MED21: variants seen among roughly 807,000 people sequenced by gnomAD.
MED21 encodes mediator of RNA polymerase II transcription subunit 21.
A neutral mutation model predicts 18.2 loss-of-function variants in MED21; 9 were observed. The ratio of observed to expected loss-of-function variants is 0.49; its 90% confidence interval spans 0.30 to 0.86. The LOEUF (loss-of-function observed/expected upper bound fraction) is 0.86, where lower values mean the gene tolerates loss of function less well. Ranked by LOEUF, MED21 falls within the 40% of genes least tolerant of loss-of-function variation. MED21 has a pLI of 0.07. For synonymous variants in MED21, 73 were observed against 60.5 expected (o/e 1.21, Z -0.96); for missense variants, 150 against 170.9 (o/e 0.88, Z 0.68).
intron 2 of MED21, among the ~76,000 whole-genome samples, chr12:27,026,911 G>A (rs1234633084): frequency 1.3e-5 from 2 of 152,140 alleles, no homozygotes; most frequent in African/African-American, 4.8e-5. Context: ...CAGGATTGGT[G>A]TATATTTTAA....
intron 2 of MED21, chr12:27,037,826 G>T (rs1941658976): frequency 6.6e-6 from 1 of 152,154 alleles, no homozygotes; most frequent in Non-Finnish European, 1.5e-5. Context: ...ATCAAATATG[G>T]TAATGTAATT....
chr12:27,032,125 A>G (rs915383255), downstream of MED21, among the ~76,000 whole-genome samples: 5 of 152,164 alleles, frequency 3.3e-5, no homozygotes, highest in Non-Finnish European at 7.3e-5. Context: ...TTGAAGCCAT[A>G]TTCTCTCTAT....
chr12:27,022,756 C>G, intron 1 of MED21, 135 bp downstream of exon 1: 6 of 1,550,058 alleles, frequency 3.9e-6, no homozygotes, highest in African/African-American at 1.4e-5. Context: ...AGCGCTCTCT[C>G]GGGAGGCGCC....
Position 27,030,179 on chromosome 12 carries a change from C to G in MED21, c.*1718C>G, listed in dbSNP as rs1472694715. Reference sequence around the variant, plus strand: ...TAAGGTGAAGTCTCTGTCACCCAAGCTGAAGTGCAGTTCTGTGATCATGGC... The same window carrying G: ...TAAGGTGAAGTCTCTGTCACCCAAGGTGAAGTGCAGTTCTGTGATCATGGC... On this transcript the variant is annotated 3_prime_UTR_variant, in exon 4 of 4. Transcript: ENST00000282892. 2 of 647,628 alleles carry G rather than the reference C, an allele frequency of 3.1e-6. No homozygotes were observed. The highest frequency in any genetic ancestry group is 2.8e-6 in the Non-Finnish European group (1 of 352,508). 40.1% of individuals were successfully genotyped at this position (647,628 alleles called of 1,614,324 possible).
Position 27,028,579 on chromosome 12 carries a change from T to G in MED21, c.*118T>G. ...CAGAAACATTAAACACTATGACACA[T>G]TACCTTTTTAGCTATTTTTAATAGT... On this transcript the variant is annotated 3_prime_UTR_variant, in exon 4 of 4. Coordinates refer to ENST00000282892, the MANE Select transcript of MED21 (RefSeq NM_004264.5). 7.2e-7 allele frequency: 1 copy of G among 1,381,492 alleles called. No homozygotes were observed. The highest frequency in any genetic ancestry group is 9.4e-7 in the Non-Finnish European group (1 of 1,063,354). 85.6% of individuals were successfully genotyped at this position (1,381,492 alleles called of 1,614,324 possible). A position where few individuals can be genotyped will look rare whatever the true frequency, so the allele number is the denominator to read the frequency against.
chr12:27,025,696 G>A (rs1451547569), intron 1 of MED21, among the ~76,000 whole-genome samples: 1 of 152,162 alleles, frequency 6.6e-6, no homozygotes, highest in African/African-American at 2.4e-5. Context: ...TTCTGTCATT[G>A]AAACAATGGC....
intron 2 of MED21, among the ~76,000 whole-genome samples, chr12:27,036,029 G>A (rs768503269): frequency 6.6e-6 from 1 of 152,140 alleles, no homozygotes; most frequent in Non-Finnish European, 1.5e-5. Flanking sequence ...CTTCCACAAT[G>A]GTTAAACTAG....
rs1369351641 is a variant in MED21 at position 27,030,178 on chromosome 12, G to A, written c.*1717G>A. On this transcript the variant is annotated 3_prime_UTR_variant, in exon 4 of 4. Transcript: ENST00000282892. ...TTAAGGTGAAGTCTCTGTCACCCAAGCTGAAGTGCAGTTCTGTGATCATGG... is the reference window on the plus strand; with the variant it reads ...TTAAGGTGAAGTCTCTGTCACCCAAACTGAAGTGCAGTTCTGTGATCATGG... 1.5e-6 allele frequency: 1 copy of A among 647,764 alleles called. No homozygotes were observed. Among genetic ancestry groups the A allele is most frequent in the Non-Finnish European group, 2.8e-6 (1 of 352,422 alleles). 40.1% of individuals were successfully genotyped at this position (647,764 alleles called of 1,614,324 possible). A position where few individuals can be genotyped will look rare whatever the true frequency, so the allele number is the denominator to read the frequency against.
rs1171741770 is a variant in MED21, at chr12:27,030,254, T to G, written c.*1793T>G. ...AGGTGATCCTCCCACTTCAGCCTCT[T>G]CAGTAACTGGGACTACAGGCATGTA... On this transcript the variant is annotated 3_prime_UTR_variant, in exon 4 of 4. Coordinates refer to ENST00000282892, the MANE Select transcript of MED21 (RefSeq NM_004264.5). 9.9e-6 allele frequency: 6 copies of G among 603,754 alleles called. No individual in the cohort carries two copies. The highest frequency in any genetic ancestry group is 1.8e-5 in the Non-Finnish European group (6 of 331,800). The allele number at this position is 603,754 out of a possible 1,614,324, so 37.4% of individuals were successfully genotyped here.
chr12:27,030,402 A>AT lies in MED21; in HGVS notation c.*1943dup, dbSNP rs1209931116. Reference sequence around the variant, plus strand: ...AATACTATACAGTAGACTATAAGAAATTAAGTATTTGTATCATCCCTAGAG... The same window carrying AT: ...AATACTATACAGTAGACTATAAGAAATTTAAGTATTTGTATCATCCCTAGAG... On this transcript the variant is annotated 3_prime_UTR_variant, in exon 4 of 4. Coordinates refer to ENST00000282892, the MANE Select transcript of MED21 (RefSeq NM_004264.5). 3 of 391,696 alleles carry AT rather than the reference A, an allele frequency of 7.7e-6. No individual in the cohort carries two copies. The highest frequency in any genetic ancestry group is 6.2e-5 in the African/African-American group (3 of 48,478). 24.3% of individuals were successfully genotyped at this position (391,696 alleles called of 1,614,324 possible).
At chr12:27,031,277 C>A (rs1941617397), downstream of MED21, among the ~76,000 whole-genome samples, 1 of 152,134 alleles carries the variant, frequency 6.6e-6, no homozygotes, top group African/African-American at 2.4e-5. Flanking sequence ...TAGAGCCTTT[C>A]AAGAATGGTA....
At position 27,029,971 on chromosome 12, in the gene MED21, A is replaced by T. The variant is rs980323346; in HGVS notation, c.*1510A>T. The T allele has an allele frequency of 4.4e-6, 1 of 225,520 alleles. No homozygotes were observed. Among genetic ancestry groups the T allele is most frequent in the Non-Finnish European group, 7.4e-6 (1 of 135,166 alleles). The allele number at this position is 225,520 out of a possible 1,614,324, so 14.0% of individuals were successfully genotyped here. A position where few individuals can be genotyped will look rare whatever the true frequency, so the allele number is the denominator to read the frequency against. The stretch of plus-strand genomic sequence containing the variant: ...GCTTTTTAAAAAGAAGGGAAGTTAT[A>T]GCAGAAGGAAACTTAGAATGGCAGG... On this transcript the variant is annotated 3_prime_UTR_variant, in exon 4 of 4. Coordinates refer to ENST00000282892, the MANE Select transcript of MED21 (RefSeq NM_004264.5).
chr12:27,029,821 A>G lies in MED21; in HGVS notation c.*1360A>G, dbSNP rs1592336748. On this transcript the variant is annotated 3_prime_UTR_variant, in exon 4 of 4. Coordinates refer to ENST00000282892, the MANE Select transcript of MED21 (RefSeq NM_004264.5). ...GAAGATTCAGTCAGAAAACTTATTC[A>G]AAGTACCTAAGTATTATAAAGGAGT... is the stretch of plus-strand genomic sequence containing the variant. 1.0e-6 allele frequency: 1 copy of G among 997,058 alleles called. No homozygotes were observed. The highest frequency in any genetic ancestry group is 5.0e-4 in the Middle Eastern group (1 of 2,004). The allele number at this position is 997,058 out of a possible 1,614,324, so 61.8% of individuals were successfully genotyped here.
intron 2 of MED21, among the ~76,000 whole-genome samples, chr12:27,036,863 C>CA (rs1941652966): frequency 6.6e-6 from 1 of 152,184 alleles, no homozygotes; most frequent in South Asian, 2.1e-4. Context: ...AGTTTGAAGT[C>CA]AGGTAGTGTG....
At position 27,028,606 on chromosome 12, in the gene MED21, T is replaced by C; in HGVS notation, c.*145T>C. On this transcript the variant is annotated 3_prime_UTR_variant, in exon 4 of 4. Coordinates refer to ENST00000282892, the MANE Select transcript of MED21 (RefSeq NM_004264.5). ...ACCTTTTTAGCTATTTTTAATAGTCTTCTATTTTCACTCTTGATAAGCTTA... is the reference window on the plus strand; with the variant it reads ...ACCTTTTTAGCTATTTTTAATAGTCCTCTATTTTCACTCTTGATAAGCTTA... 2 of 1,318,316 alleles carry C rather than the reference T, an allele frequency of 1.5e-6. No individual in the cohort carries two copies. Among genetic ancestry groups the C allele is most frequent in the South Asian group, 5.2e-5 (2 of 38,478 alleles). The allele number at this position is 1,318,316 out of a possible 1,614,324, so 81.7% of individuals were successfully genotyped here.
rs776408272 is a variant in MED21 at position 27,022,715 on chromosome 12, G to A, written c.42+94G>A. 3.1e-6 allele frequency: 5 copies of A among 1,603,136 alleles called. No homozygotes were observed. In the African/African-American group the frequency reaches 6.7e-5, roughly 21 times the overall value. On this transcript the variant is annotated intron_variant, in intron 1 of 3. Coordinates refer to ENST00000282892, the MANE Select transcript of MED21 (RefSeq NM_004264.5). ...CCAAGAGGCAAAACTTGAAAGTGGG[G>A]AGCGGACTGAGAGACAGGGCTTCGG...
chr12:27,031,214 A>C (rs1941617037), downstream of MED21, among the ~76,000 whole-genome samples: 1 of 152,212 alleles, frequency 6.6e-6, no homozygotes, highest in Admixed American at 6.5e-5. Context: ...GCCAGGAGCC[A>C]ATTTCAATGG....
chr12:27,022,829 GAC>G lies in MED21; in HGVS notation c.42+209_42+210del, dbSNP rs1565478847. 2.0e-6 allele frequency: 3 copies of G among 1,489,364 alleles called. No homozygotes were observed. In the South Asian group the frequency reaches 3.6e-5, roughly 18 times the overall value. The allele number at this position is 1,489,364 out of a possible 1,614,324, so 92.3% of individuals were successfully genotyped here. On this transcript the variant is annotated intron_variant, in intron 1 of 3. Coordinates refer to ENST00000282892, the MANE Select transcript of MED21 (RefSeq NM_004264.5). ...GTGCTTGAAGGTGCGGGAGGGAGCA[GAC>G]TCTTTCGCTTGAGGAGACCGGGAAG...
chr12:27,029,532 T>C lies in MED21; in HGVS notation c.*1071T>C. On this transcript the variant is annotated 3_prime_UTR_variant, in exon 4 of 4. Transcript: ENST00000282892. ...TGCTGCAATCTGTTGCTATTCAGAG[T>C]TTAAGTTTCAGGAGAAAACAGGAAC... 1.0e-6 allele frequency: 1 copy of C among 985,396 alleles called. No homozygotes were observed. The highest frequency in any genetic ancestry group is 1.2e-6 in the Non-Finnish European group (1 of 829,930). 61.0% of individuals were successfully genotyped at this position (985,396 alleles called of 1,614,324 possible).
Sources: gnomAD v4.1 joint callset for allele counts (sites outside exome capture counted in the v4.1 genomes callset) on GRCh38, gnomAD v4.1.1 for gene constraint, MANE v1.5 for transcripts, NCBI Gene and HGNC (gene_info 2026-07-23, HGNC 2026-07-21) for gene names.